FILIP1: variants seen among roughly 807,000 people sequenced by gnomAD.
FILIP1 encodes filamin-A-interacting protein 1.
FILIP1 carries 61 observed loss-of-function variants against 102.1 expected under a neutral mutation model. That is an observed-to-expected ratio of 0.60 (90% CI 0.49 to 0.74). The LOEUF is 0.74. FILIP1 is among the 30% of genes least tolerant of loss of function. The probability of loss-of-function intolerance (pLI) is 0.00; values close to 1 mark genes in which losing one functional copy is unlikely to be tolerated. For missense variants in FILIP1, 1,314 were observed against 1,441.2 expected (o/e 0.91, Z 1.43); for synonymous variants, 491 against 526.9 (o/e 0.93, Z 0.93).
At chr6:75,351,480 G>T (rs947190725) in intron 4 of FILIP1, among the ~76,000 whole-genome samples, 1 of 152,184 alleles carries the variant, frequency 6.6e-6, no homozygotes, top group Non-Finnish European at 1.5e-5. Context: ...CTACCTTAAA[G>T]GGAGAACAGT....
intron 1 of FILIP1, among the ~76,000 whole-genome samples, chr6:75,484,660 T>C (rs1016807529): frequency 6.6e-6 from 1 of 152,178 alleles, no homozygotes. Context: ...CAGAGAGTGT[T>C]GAGAGCCACA....
At chr6:75,378,934 A>G (rs2149637770) in intron 2 of FILIP1, among the ~76,000 whole-genome samples, 1 of 152,288 alleles carries the variant, frequency 6.6e-6, no homozygotes, top group African/African-American at 2.4e-5. Context: ...TAAAATATAG[A>G]GCTGATAATA....
At chr6:75,434,233 T>C (rs1777935974) in intron 1 of FILIP1, among the ~76,000 whole-genome samples, 1 of 152,166 alleles carries the variant, frequency 6.6e-6, no homozygotes, top group African/African-American at 2.4e-5. Flanking sequence ...AAGACAGTCA[T>C]TGGTAGCTTG....
chr6:75,441,183 T>C (rs1778205148), intron 1 of FILIP1, among the ~76,000 whole-genome samples: 1 of 151,490 alleles, frequency 6.6e-6, no homozygotes, highest in Non-Finnish European at 1.5e-5. Context: ...TGGTGATGAC[T>C]CTTAACGAGC....
intron 4 of FILIP1, among the ~76,000 whole-genome samples, chr6:75,331,469 T>G (rs562599053): frequency 6.6e-6 from 1 of 152,266 alleles, no homozygotes; most frequent in South Asian, 2.1e-4. Context: ...CCGTTGTCAG[T>G]GTATTAGGGG....
chr6:75,457,902 T>A (rs1016807266), intron 1 of FILIP1, among the ~76,000 whole-genome samples: 1 of 152,192 alleles, frequency 6.6e-6, no homozygotes, highest in African/African-American at 2.4e-5. Context: ...AAACCATATA[T>A]TTTTTAAAAA....
intron 1 of FILIP1, among the ~76,000 whole-genome samples, chr6:75,477,781 CCCA>C (rs1175807767): frequency 4.6e-5 from 7 of 151,974 alleles, no homozygotes; most frequent in Non-Finnish European, 1.0e-4. Flanking sequence ...GGAAACAATT[CCCA>C]CAAGTCACAG....
At chr6:75,398,684 G>A (rs1776546555) in intron 2 of FILIP1, among the ~76,000 whole-genome samples, 1 of 152,150 alleles carries the variant, frequency 6.6e-6, no homozygotes, top group Non-Finnish European at 1.5e-5. Context: ...AAGTGATGTG[G>A]TACAGTGACA....
At chr6:75,352,137 C>G (rs941945270) in intron 4 of FILIP1, among the ~76,000 whole-genome samples, 1 of 152,142 alleles carries the variant, frequency 6.6e-6, no homozygotes, top group Non-Finnish European at 1.5e-5. Flanking sequence ...CAAGCCTGTT[C>G]TATTTTATGC....
At chr6:75,339,733 A>G (rs1774358230) in intron 4 of FILIP1, among the ~76,000 whole-genome samples, 1 of 152,208 alleles carries the variant, frequency 6.6e-6, no homozygotes, top group Non-Finnish European at 1.5e-5. Context: ...GGATCACTTG[A>G]GGTCAGGAGT....
intron 2 of FILIP1, among the ~76,000 whole-genome samples, chr6:75,401,341 T>C (rs1284254978): frequency 6.6e-6 from 1 of 152,148 alleles, no homozygotes; most frequent in Non-Finnish European, 1.5e-5. Context: ...CATGTCTTGT[T>C]TTCTTCTTTG....
chr6:75,406,591 G>A (rs185079308), intron 2 of FILIP1, among the ~76,000 whole-genome samples: 2 of 151,600 alleles, frequency 1.3e-5, no homozygotes, highest in African/African-American at 4.8e-5. Flanking sequence ...CACATAGTAG[G>A]AGCCCATCAA....
At chr6:75,347,765 C>T (rs1484861865) in intron 4 of FILIP1, among the ~76,000 whole-genome samples, 1 of 152,094 alleles carries the variant, frequency 6.6e-6, no homozygotes, top group Non-Finnish European at 1.5e-5. Flanking sequence ...CATTATCCAC[C>T]AGATATATGA....
chr6:75,302,812 A>G (rs1772873611), intron 6 of FILIP1, among the ~76,000 whole-genome samples: 1 of 141,300 alleles, frequency 7.1e-6, no homozygotes, highest in African/African-American at 2.6e-5. Context: ...TGATGATATG[A>G]TATGATATGA....
At chr6:75,302,456 G>A (rs1772864599) in intron 6 of FILIP1, among the ~76,000 whole-genome samples, 1 of 152,188 alleles carries the variant, frequency 6.6e-6, no homozygotes, top group South Asian at 2.1e-4. Flanking sequence ...TTGTACAGCA[G>A]TGGACAGGCC....
chr6:75,303,223 T>C (rs1772892522), downstream of FILIP1, among the ~76,000 whole-genome samples: 1 of 152,134 alleles, frequency 6.6e-6, no homozygotes, highest in African/African-American at 2.4e-5. Context: ...GGGGCAGTAT[T>C]GAAAATGGTT....
chr6:75,308,248 A>G lies in FILIP1; in HGVS notation c.*443T>C. The G allele has an allele frequency of 1.0e-6, 1 of 988,542 alleles. No individual in the cohort carries two copies. Among genetic ancestry groups the G allele is most frequent in the Non-Finnish European group, 1.2e-6 (1 of 831,068 alleles). The allele number at this position is 988,542 out of a possible 1,614,324, so 61.2% of individuals were successfully genotyped here. On this transcript the variant is annotated 3_prime_UTR_variant, in exon 6 of 6. Transcript: ENST00000237172. ...CAAATTCATGATGTGAAAGAGGCAA[A>G]TGACAATAGTTAAAGTATGTCTTAT...
intron 4 of FILIP1, among the ~76,000 whole-genome samples, chr6:75,328,248 G>C (rs1773940746): frequency 6.6e-6 from 1 of 152,122 alleles, no homozygotes; most frequent in African/African-American, 2.4e-5. Context: ...TTAGATAATG[G>C]ATTATGGCAA....
In FILIP1 at chr6:75,314,137, T is replaced by G; in HGVS notation, c.1695A>C (p.Val565=). The G allele has an allele frequency of 6.6e-7, 1 of 1,523,890 alleles. No individual in the cohort carries two copies. 94.4% of individuals were successfully genotyped at this position (1,523,890 alleles called of 1,614,324 possible). A position where few individuals can be genotyped will look rare whatever the true frequency, so the allele number is the denominator to read the frequency against. The change falls in exon 5 of 6, where the codon GTA becomes GTC. Residue 565 remains valine, a synonymous_variant. Transcript: ENST00000237172. ...CATCTCTTTCTCTTGTCAAGTTGTA[T>G]ACTTTTTCCTCCATTTCAGATTTTA... The part of the protein sequence containing the change: ...LKLKSEMEEK[V]YNLTRERDEL...
Sources: gnomAD v4.1 joint callset for allele counts (sites outside exome capture counted in the v4.1 genomes callset) on GRCh38, gnomAD v4.1.1 for gene constraint, MANE v1.5 for transcripts, NCBI Gene and HGNC (gene_info 2026-07-23, HGNC 2026-07-21) for gene names.